The following TPTE variants were observed in gnomAD, a reference collection of about 807,000 sequenced individuals.
The protein encoded by TPTE is putative tyrosine-protein phosphatase TPTE.
A neutral mutation model predicts 84.1 loss-of-function variants in TPTE; 59 were observed. The observed-to-expected ratio is 0.70, with a 90% CI of 0.57 to 0.87. The LOEUF (loss-of-function observed/expected upper bound fraction) is 0.87, where lower values mean the gene tolerates loss of function less well. TPTE is among the 40% of genes least tolerant of loss of function. The probability of loss-of-function intolerance (pLI) is 0.00; values close to 1 mark genes in which losing one functional copy is unlikely to be tolerated. For synonymous variants in TPTE, 130 were observed against 223.5 expected, an observed-to-expected ratio of 0.58 and a Z score of 3.73; for missense variants, 382 against 659.6, an observed-to-expected ratio of 0.58 and a Z score of 4.61.
At chr21:10,557,868 T>C (rs2074714273) in intron 8 of TPTE, among the ~76,000 whole-genome samples, 1 of 152,310 alleles carries the variant, frequency 6.6e-6, no homozygotes. Flanking sequence ...TTAAGCTCAG[T>C]ACCCAAATAG....
intron 18 of TPTE, 58 bp downstream of exon 18, chr21:10,590,581 A>G (rs1600968092): frequency 6.2e-7 from 1 of 1,609,546 alleles, no homozygotes; most frequent in Non-Finnish European, 8.5e-7. Flanking sequence ...TAGTTCTGAA[A>G]CATCACTGGC....
intron 19 of TPTE, among the ~76,000 whole-genome samples, chr21:10,593,636 C>T (rs2075526925): frequency 6.6e-6 from 1 of 152,430 alleles, no homozygotes; most frequent in East Asian, 1.9e-4. Flanking sequence ...GTAGGCACTA[C>T]TATGATTCTC....
intron 21 of TPTE, among the ~76,000 whole-genome samples, chr21:10,599,474 T>A (rs1299104995): frequency 6.6e-6 from 1 of 152,312 alleles, no homozygotes; most frequent in Non-Finnish European, 1.5e-5. Flanking sequence ...TTAACACCTC[T>A]GGCTCAACAT....
chr21:10,545,865 C>A (rs1423940243), intron 7 of TPTE, among the ~76,000 whole-genome samples: 2 of 151,770 alleles, frequency 1.3e-5, no homozygotes, highest in Non-Finnish European at 2.9e-5. Flanking sequence ...TAGCACTAAC[C>A]CAAATAACAT....
chr21:10,552,902 A>T (rs1314310742), intron 8 of TPTE, among the ~76,000 whole-genome samples, 186 bp downstream of exon 8: 2 of 152,166 alleles, frequency 1.3e-5, no homozygotes, highest in Non-Finnish European at 2.9e-5. Context: ...TTGAAAAAAA[A>T]ATTCCATCCA....
intron 5 of TPTE, among the ~76,000 whole-genome samples, chr21:10,541,565 C>T (rs1423264957): frequency 6.6e-6 from 1 of 152,284 alleles, no homozygotes; most frequent in Non-Finnish European, 1.5e-5. Context: ...CAGATGTGTT[C>T]CTGATAATAC....
chr21:10,583,840 G>A (rs2075312298), intron 17 of TPTE, among the ~76,000 whole-genome samples: 1 of 152,310 alleles, frequency 6.6e-6, no homozygotes. Context: ...ACATGAATCT[G>A]TTTCTGACAT....
chr21:10,566,098 C>G (rs897899896), intron 10 of TPTE, among the ~76,000 whole-genome samples: 1 of 152,312 alleles, frequency 6.6e-6, no homozygotes, highest in African/African-American at 2.4e-5. Context: ...AAAATATTTG[C>G]AAACTACCCA....
chr21:10,569,862 A>G (rs543255675), intron 13 of TPTE, 116 bp downstream of exon 13: 3 of 1,603,486 alleles, frequency 1.9e-6, no homozygotes, highest in Non-Finnish European at 2.6e-6. Context: ...TCATGAGGAT[A>G]TATGCTACTG....
chr21:10,586,686 C>T (rs1377382714), intron 17 of TPTE, among the ~76,000 whole-genome samples: 1 of 152,298 alleles, frequency 6.6e-6, no homozygotes, highest in African/African-American at 2.4e-5. Context: ...TACTGTTTTT[C>T]TATGTTTTTA....
chr21:10,576,061 A>G (rs1173109641), intron 14 of TPTE, among the ~76,000 whole-genome samples: 1 of 152,308 alleles, frequency 6.6e-6, no homozygotes, highest in Non-Finnish European at 1.5e-5. Flanking sequence ...CAGACCCAGC[A>G]ATCCCATTAT....
At chr21:10,539,898 A>G (rs1399984574) in intron 4 of TPTE, among the ~76,000 whole-genome samples, 1 of 152,306 alleles carries the variant, frequency 6.6e-6, no homozygotes. Flanking sequence ...AGTCCCTGCT[A>G]CTCGGGAGGC....
In TPTE at chr21:10,605,690, A is replaced by G; in HGVS notation, c.*138A>G. 4.9e-6 allele frequency: 7 copies of G among 1,427,136 alleles called. No individual in the cohort carries two copies. Among genetic ancestry groups the G allele is most frequent in the Non-Finnish European group, 6.5e-6 (7 of 1,070,998 alleles). The allele number at this position is 1,427,136 out of a possible 1,614,324, so 88.4% of individuals were successfully genotyped here. Reference sequence around the variant, plus strand: ...ATATATGTTTATATATGTTCTTCATAAATCTATTACATATATATAGATAAA... The same window carrying G: ...ATATATGTTTATATATGTTCTTCATGAATCTATTACATATATATAGATAAA... On this transcript the variant is annotated 3_prime_UTR_variant, in exon 24 of 24. Transcript: ENST00000618007.
chr21:10,536,569 G>A (rs1568955811), intron 3 of TPTE, among the ~76,000 whole-genome samples: 1 of 152,292 alleles, frequency 6.6e-6, no homozygotes, highest in African/African-American at 2.4e-5. Context: ...CACAAACACA[G>A]GGAGAGAGAG....
At chr21:10,536,848 G>A (rs1463365886) in intron 3 of TPTE, among the ~76,000 whole-genome samples, 1 of 152,306 alleles carries the variant, frequency 6.6e-6, no homozygotes, top group African/African-American at 2.4e-5. Context: ...CTGTGTATGA[G>A]ACATACTAGA....
At chr21:10,535,358 CAG>C (rs1305321882) in intron 3 of TPTE, among the ~76,000 whole-genome samples, 1 of 152,306 alleles carries the variant, frequency 6.6e-6, no homozygotes, top group Admixed American at 6.5e-5. Context: ...CATACACACA[CAG>C]AAACATAAAA....
At chr21:10,576,034 A>G in intron 14 of TPTE, among the ~76,000 whole-genome samples, 1 of 152,310 alleles carries the variant, frequency 6.6e-6, no homozygotes, top group Non-Finnish European at 1.5e-5. Context: ...TCAAAGACCT[A>G]GAGGCAGAAA....
chr21:10,528,893 A>G (rs1047715658), intron 3 of TPTE, among the ~76,000 whole-genome samples: 3 of 152,422 alleles, frequency 2.0e-5, no homozygotes, highest in Middle Eastern at 3.4e-3. Flanking sequence ...GTGTTTGTCA[A>G]AAGTGTTTTC....
At chr21:10,527,152 C>CACA (rs2074094450) in intron 2 of TPTE, among the ~76,000 whole-genome samples, 5 of 148,330 alleles carry the variant, frequency 3.4e-5, no homozygotes, top group Admixed American at 2.0e-4. Context: ...CTCTCTCTCT[C>CACA]TCTCTCACAC....
Sources: allele counts gnomAD v4.1 joint callset (sites outside exome capture counted in the v4.1 genomes callset), GRCh38; gene constraint gnomAD v4.1.1; transcripts MANE v1.5; gene names NCBI Gene and HGNC (gene_info 2026-07-23, HGNC 2026-07-21).